NOX4: variants seen among roughly 807,000 people sequenced by gnomAD.
NOX4 encodes the protein kidney oxidase-1.
Under a neutral mutation model 87.6 loss-of-function variants are expected in NOX4, and 69 were observed. The ratio of observed to expected loss-of-function variants is 0.79; its 90% CI spans 0.65 to 0.96. The LOEUF is 0.96. Ranked by LOEUF, NOX4 falls within the 40% of genes least tolerant of loss-of-function variation. The probability of loss-of-function intolerance (pLI) is 0.00; values close to 1 mark genes in which losing one functional copy is unlikely to be tolerated. For missense variants in NOX4, 680 were observed against 681.5 expected (o/e 1.00, Z 0.02); for synonymous variants, 275 against 238.2 (o/e 1.15, Z -1.42).
At chr11:89,333,442 A>G (rs1490721064) in intron 17 of NOX4, among the ~76,000 whole-genome samples, 4 of 151,466 alleles carry the variant, frequency 2.6e-5, no homozygotes, top group Non-Finnish European at 5.9e-5. Context: ...ACACTCTCAC[A>G]CAAACTTACA....
the NOX4 span, among the ~76,000 whole-genome samples, chr11:89,551,233 G>A: frequency 3.9e-5 from 6 of 152,128 alleles, no homozygotes; most frequent in Non-Finnish European, 8.8e-5. Flanking sequence ...GACAGGTAGC[G>A]TGATGCCTCC....
intron 2 of NOX4, among the ~76,000 whole-genome samples, chr11:89,477,004 C>A (rs895312498): frequency 3.3e-5 from 5 of 152,234 alleles, no homozygotes; most frequent in African/African-American, 9.6e-5. Flanking sequence ...TGGTCCTCAA[C>A]CTTTTTGGCA....
chr11:89,346,170 C>A lies in NOX4; in HGVS notation c.1218-3977G>T, dbSNP rs562313731. Among the ~76,000 whole-genome samples, 47 of 152,120 alleles carry A rather than the reference C, an allele frequency of 3.1e-4. 1 individual carries two copies. The South Asian group carries it at 9.6e-3, about 31-fold the overall frequency. On this transcript the variant is annotated intron_variant, in intron 13 of 17. Transcript: ENST00000263317. ...CTGAGAGCGAAATCAAGAACTCAAG[C>A]CCACTTACAATAATTTGTAATTATT...
At chr11:89,569,163 A>G in the NOX4 span, among the ~76,000 whole-genome samples, 1 of 151,864 alleles carries the variant, frequency 6.6e-6, no homozygotes, top group Non-Finnish European at 1.5e-5. Context: ...CAAAGATTTC[A>G]TGACAAAGAT....
chr11:89,581,854 T>C, the NOX4 span, among the ~76,000 whole-genome samples: 1 of 152,204 alleles, frequency 6.6e-6, no homozygotes, highest in African/African-American at 2.4e-5. Context: ...TTATTTATTT[T>C]TTATTTCTTT....
chr11:89,374,425 C>T (rs1939680203), intron 11 of NOX4, among the ~76,000 whole-genome samples: 1 of 152,154 alleles, frequency 6.6e-6, no homozygotes, highest in African/African-American at 2.4e-5. Flanking sequence ...AAAAATGCAT[C>T]TAAACTAAGG....
At chr11:89,331,980 G>A (rs11018583) in intron 17 of NOX4, among the ~76,000 whole-genome samples, 1 of 151,314 alleles carries the variant, frequency 6.6e-6, no homozygotes, top group East Asian at 1.9e-4. Flanking sequence ...GCATTAGAAT[G>A]CTGCAATCCA....
intron 12 of NOX4, among the ~76,000 whole-genome samples, chr11:89,366,088 C>A (rs1193025152): frequency 1.3e-5 from 2 of 152,120 alleles, no homozygotes; most frequent in Non-Finnish European, 2.9e-5. Context: ...TCCATTAACG[C>A]TAGGCTCATT....
At chr11:89,459,507 A>G (rs1314662714) in intron 2 of NOX4, among the ~76,000 whole-genome samples, 2 of 152,218 alleles carry the variant, frequency 1.3e-5, no homozygotes, top group African/African-American at 4.8e-5. Context: ...GCATTCTTAT[A>G]CACCAATAAC....
intron 12 of NOX4, among the ~76,000 whole-genome samples, chr11:89,372,802 C>T (rs1045404590): frequency 6.6e-6 from 1 of 151,908 alleles, no homozygotes; most frequent in Non-Finnish European, 1.5e-5. Context: ...ACTAACAAGC[C>T]AACATTTACT....
chr11:89,421,416 T>C (rs949515179), intron 8 of NOX4, among the ~76,000 whole-genome samples: 12 of 152,162 alleles, frequency 7.9e-5, no homozygotes, highest in African/African-American at 2.4e-4. Flanking sequence ...ATGTTTTTTT[T>C]CCTTGGTGAT....
chr11:89,505,379 G>A, the NOX4 span, among the ~76,000 whole-genome samples: 1 of 151,892 alleles, frequency 6.6e-6, no homozygotes. Flanking sequence ...ATTAGAAACA[G>A]TATAAATAAT....
Position 89,355,007 on chromosome 11 carries a change from T to G in NOX4, c.1172A>C (p.Gln391Pro). Residue 391 changes from glutamine (Q) to proline (P), a missense_variant, in exon 13 of 18, where the codon CAA becomes CCA. Coordinates refer to ENST00000263317, the MANE Select transcript of NOX4 (RefSeq NM_016931.5). ...AATGAAGGGCAGAATTTCGGAGTCT[T>G]GACTAGATGGAGGCAGTAGTAAATC... is the stretch of plus-strand genomic sequence containing the variant. ...FRDLLLPPSS[Q>P]DSEILPFIQS... 2 of 1,604,306 alleles carry G rather than the reference T, an allele frequency of 1.2e-6. No homozygotes were observed. Among genetic ancestry groups the G allele is most frequent in the South Asian group, 1.1e-5 (1 of 90,332 alleles).
At chr11:89,567,003 A>G in the NOX4 span, among the ~76,000 whole-genome samples, 14 of 152,226 alleles carry the variant, frequency 9.2e-5, no homozygotes, top group African/African-American at 2.9e-4. Flanking sequence ...CAGCATGACT[A>G]CAGTAGAGCA....
intron 13 of NOX4, among the ~76,000 whole-genome samples, chr11:89,342,824 T>C (rs1485164383): frequency 6.6e-6 from 1 of 152,116 alleles, no homozygotes; most frequent in Non-Finnish European, 1.5e-5. Context: ...TGTGTGTGTG[T>C]GAGACAGAGA....
At chr11:89,477,376 G>A (rs552315433) in intron 2 of NOX4, among the ~76,000 whole-genome samples, 69 of 152,142 alleles carry the variant, frequency 4.5e-4, no homozygotes, top group Admixed American at 9.8e-4. Context: ...TGGAGCTCAG[G>A]TGGTAATACA....
intron 11 of NOX4, among the ~76,000 whole-genome samples, chr11:89,381,269 C>G (rs566461277): frequency 2.3e-4 from 35 of 152,216 alleles, no homozygotes; most frequent in Admixed American, 2.3e-3. Flanking sequence ...ATGAATCACA[C>G]AAGTTAGAAT....
the NOX4 span, among the ~76,000 whole-genome samples, chr11:89,537,108 G>C: frequency 1.3e-5 from 2 of 152,176 alleles, no homozygotes; most frequent in African/African-American, 4.8e-5. Flanking sequence ...GAGCCAAGGA[G>C]AGCAGCTTGG....
the NOX4 span, among the ~76,000 whole-genome samples, chr11:89,567,435 G>A: frequency 2.0e-5 from 3 of 152,080 alleles, no homozygotes; most frequent in Admixed American, 6.6e-5. Flanking sequence ...TCATTCTCAC[G>A]CTACTATAAG....
Sources: allele counts gnomAD v4.1 joint callset (sites outside exome capture counted in the v4.1 genomes callset), GRCh38; gene constraint gnomAD v4.1.1; transcripts MANE v1.5; gene names NCBI Gene and HGNC (gene_info 2026-07-23, HGNC 2026-07-21).